The following FRMPD2 variants were observed in gnomAD, a reference collection of about 807,000 sequenced individuals.
FRMPD2 encodes FERM and PDZ domain containing 2, also known as FERM and PDZ domain-containing protein 2.
A neutral mutation model predicts 140.1 loss-of-function variants in FRMPD2; 96 were observed. The ratio of observed to expected loss-of-function variants is 0.69; its 90% CI spans 0.58 to 0.81. The LOEUF is 0.81. Ranked by LOEUF, FRMPD2 falls within the 40% of genes least tolerant of loss-of-function variation. The pLI, the probability that FRMPD2 is intolerant of heterozygous loss-of-function variation, is 0.00. For synonymous variants in FRMPD2, 449 were observed against 547.6 expected, an observed-to-expected ratio of 0.82 and a Z score of 2.52; for missense variants, 1,240 against 1,447.4, an observed-to-expected ratio of 0.86 and a Z score of 2.32.
chr10:48,220,841 C>T (rs905468723), intron 12 of FRMPD2, among the ~76,000 whole-genome samples: 2 of 152,158 alleles, frequency 1.3e-5, no homozygotes, highest in African/African-American at 4.8e-5. Flanking sequence ...TGAAAAAATG[C>T]TCCACATCAC....
intron 28 of FRMPD2, chr10:48,159,146 G>C: frequency 6.6e-6 from 3 of 455,904 alleles, no homozygotes; most frequent in Non-Finnish European, 4.4e-6. Context: ...CCCATATTGA[G>C]GTCTCCATTA....
chr10:48,253,325 T>C lies in FRMPD2; in HGVS notation c.26-1634A>G, dbSNP rs182339633. On this transcript the variant is annotated intron_variant, in intron 1 of 28. Coordinates refer to ENST00000374201, the MANE Select transcript of FRMPD2 (RefSeq NM_001018071.4). ...TTCAAAATGAATCATAGATTTAATA[T>C]AGAACATAAAACTATAAACTTTCAT... Among the ~76,000 whole-genome samples the C allele has an allele frequency of 3.9e-5, 6 of 152,298 alleles. No homozygotes were observed. In the East Asian group the frequency reaches 9.6e-4, roughly 24 times the overall value.
rs149261373 is a variant in FRMPD2 at position 48,266,649 on chromosome 10, T to C, written c.25+7894A>G. Among the ~76,000 whole-genome samples the C allele has an allele frequency of 2.9e-3, 442 of 152,332 alleles. 2 individuals are homozygous for C. Among genetic ancestry groups the C allele is most frequent in the African/African-American group, 7.8e-3 (326 of 41,572 alleles). The stretch of plus-strand genomic sequence containing the variant: ...AGGGAGAGCCCAGACATTACACTCA[T>C]CCAGCTACAATGAGGCACAGTCATT... On this transcript the variant is annotated intron_variant, in intron 1 of 28. Transcript: ENST00000374201.
Position 48,249,102 on chromosome 10 carries a change from AAC to A in FRMPD2, c.226_227del (p.Val76PhefsTer12). On this transcript the variant is annotated frameshift_variant, in exon 3 of 29. Coordinates refer to ENST00000374201, the MANE Select transcript of FRMPD2 (RefSeq NM_001018071.4). LOFTEE classifies it high-confidence loss of function. ...AAGSLSFQGR[V>X]SHIEAAPFKA... ...TGAAAGGAGCAGCCTCTATATGAGA[AAC>A]ACGGCCTTGGAAAGAAAGGCTTCCA... 1 of 1,613,924 alleles carries A rather than the reference AAC, an allele frequency of 6.2e-7. No individual in the cohort carries two copies. Among genetic ancestry groups the A allele is most frequent in the African/African-American group, 1.3e-5 (1 of 75,054 alleles).
At chr10:48,173,680 T>C (rs1366222766) in intron 24 of FRMPD2, among the ~76,000 whole-genome samples, 1 of 152,148 alleles carries the variant, frequency 6.6e-6, no homozygotes, top group African/African-American at 2.4e-5. Context: ...AAGTCTCCAA[T>C]GCTTCCCATC....
intron 28 of FRMPD2, among the ~76,000 whole-genome samples, chr10:48,160,649 T>C (rs1837911905): frequency 7.8e-6 from 1 of 128,090 alleles, no homozygotes; most frequent in Non-Finnish European, 1.7e-5. Flanking sequence ...AACCACATAA[T>C]AGGATACAGA....
At chr10:48,205,820 T>G (rs1376759765) in intron 14 of FRMPD2, among the ~76,000 whole-genome samples, 1 of 152,186 alleles carries the variant, frequency 6.6e-6, no homozygotes, top group African/African-American at 2.4e-5. Context: ...AATTTTATCT[T>G]GACAATGTGT....
At chr10:48,252,852 TTTTCTTTTCTA>T (rs1348324974) in intron 1 of FRMPD2, among the ~76,000 whole-genome samples, 1 of 152,088 alleles carries the variant, frequency 6.6e-6, no homozygotes, top group Admixed American at 6.5e-5. Flanking sequence ...CCCTCTCTCT[TTTTCTTTTCTA>T]TTTCTTTTCT....
At chr10:48,233,311 A>G (rs1839897714) in intron 9 of FRMPD2, among the ~76,000 whole-genome samples, 1 of 152,082 alleles carries the variant, frequency 6.6e-6, no homozygotes, top group East Asian at 1.9e-4. Flanking sequence ...ACACAGGCAT[A>G]CTCCATGCCA....
chr10:48,159,628 A>C (rs1773911004), intron 28 of FRMPD2, among the ~76,000 whole-genome samples: 2 of 151,798 alleles, frequency 1.3e-5, no homozygotes, highest in African/African-American at 4.8e-5. Flanking sequence ...GCCCTTCCCC[A>C]GAAGGTATAT....
Position 48,238,130 on chromosome 10 carries a change from A to AG in FRMPD2, c.789-8dup, listed in dbSNP as rs1183226405. ...ATCTGCTCCTGGAAGAGCGCTGGCC[A>AG]GGGGTTGAGAAGGGGTGAAGCACTT... On this transcript the variant is annotated splice_polypyrimidine_tract_variant and splice_region_variant and intron_variant, in intron 7 of 28. Transcript: ENST00000374201. The AG allele has an allele frequency of 2.5e-6, 4 of 1,607,754 alleles. No individual in the cohort carries two copies. Among genetic ancestry groups the AG allele is most frequent in the Non-Finnish European group, 2.5e-6 (3 of 1,179,864 alleles).
chr10:48,262,953 T>C (rs2131983393), intron 1 of FRMPD2, among the ~76,000 whole-genome samples: 1 of 151,868 alleles, frequency 6.6e-6, no homozygotes, highest in South Asian at 2.1e-4. Context: ...AAGTATGATT[T>C]CTCTCATGGA....
chr10:48,244,884 T>A, intron 3 of FRMPD2, 35 bp from the exon 4 acceptor site: 1 of 1,444,046 alleles, frequency 6.9e-7, no homozygotes, highest in African/African-American at 1.4e-5. Flanking sequence ...TAGATTTCAA[T>A]CATCTCTGTT....
Position 48,239,664 on chromosome 10 carries a change from G to T in FRMPD2, c.729C>A (p.Ser243Arg), listed in dbSNP as rs1173365572. Residue 243 changes from serine to arginine, a missense_variant, in exon 7 of 29, where the codon AGC (serine) becomes AGA (arginine). Ser to Arg is a moderately radical substitution (Grantham distance 110). This residue lies in a region of FRMPD2 where 1,161 missense variants were observed against 1,055.9 expected (regional missense o/e 1.10). Coordinates refer to ENST00000374201, the MANE Select transcript of FRMPD2 (RefSeq NM_001018071.4). ...AGGTGCTCCAATGGGGCTCTGGTGAGCTCTGGGTCTCCGTGCTTCTTTCTG... is the reference window on the plus strand; with the variant it reads ...AGGTGCTCCAATGGGGCTCTGGTGATCTCTGGGTCTCCGTGCTTCTTTCTG... ...RVSERSTETQSSPEPHWSTLT... is the reference protein window; with the variant it reads ...RVSERSTETQRSPEPHWSTLT... The T allele has an allele frequency of 6.2e-7, 1 of 1,614,048 alleles. No homozygotes were observed. The highest frequency in any genetic ancestry group is 8.5e-7 in the Non-Finnish European group (1 of 1,179,956).
intron 15 of FRMPD2, among the ~76,000 whole-genome samples, chr10:48,199,436 T>C (rs1233822620): frequency 6.6e-6 from 1 of 152,222 alleles, no homozygotes; most frequent in East Asian, 1.9e-4. Flanking sequence ...TTTCTCACTG[T>C]AATTGCTAAG....
chr10:48,187,101 G>A lies in FRMPD2; in HGVS notation c.2266+91C>T, dbSNP rs11101252. 0.013 allele frequency: 9,741 copies of A among 761,600 alleles called. 727 individuals are homozygous for A. In the African/African-American group the frequency reaches 0.15, roughly 12 times the overall value. 47.2% of individuals were successfully genotyped at this position (761,600 alleles called of 1,614,324 possible). Reference sequence around the variant, plus strand: ...CAAGAAGGTTACAAACATTGTGTGGGAAGCAAAAATAAGTGGTGGTAAAAG... The same window carrying A: ...CAAGAAGGTTACAAACATTGTGTGGAAAGCAAAAATAAGTGGTGGTAAAAG... On this transcript the variant is annotated intron_variant, in intron 17 of 28. Transcript: ENST00000374201.
chr10:48,218,147 CA>C (rs1839494224), intron 12 of FRMPD2, among the ~76,000 whole-genome samples: 1 of 152,088 alleles, frequency 6.6e-6, no homozygotes, highest in Admixed American at 6.5e-5. Flanking sequence ...TTTGTGTGTC[CA>C]AATTTCTTCT....
chr10:48,222,168 GGATGGATA>G (rs1413595679), intron 12 of FRMPD2, 137 bp downstream of exon 12: 11 of 720,792 alleles, frequency 1.5e-5, no homozygotes, highest in Admixed American at 8.1e-5. Flanking sequence ...ATGGATGGAT[GGATGGATA>G]AATGTAGTTT....
chr10:48,187,028 C>T (rs1170460310), intron 17 of FRMPD2, among the ~76,000 whole-genome samples, 164 bp downstream of exon 17: 8 of 152,170 alleles, frequency 5.3e-5, no homozygotes, highest in East Asian at 1.9e-4. Flanking sequence ...CAAAGCTAAA[C>T]GCCTCTTCCC....
Sources: gnomAD v4.1 joint callset for allele counts (sites outside exome capture counted in the v4.1 genomes callset) on GRCh38, gnomAD v4.1.1 for gene constraint, gnomAD v4.1.1 regional missense constraint, MANE v1.5 for transcripts, NCBI Gene and HGNC (gene_info 2026-07-23, HGNC 2026-07-21) for gene names.